SORBS2: variants seen among roughly 807,000 people sequenced by gnomAD.
The protein encoded by SORBS2 is sorbin and SH3 domain containing 2.
A neutral mutation model predicts 97.7 loss-of-function variants in SORBS2; 46 were observed. The ratio of observed to expected loss-of-function variants is 0.47; its 90% CI spans 0.37 to 0.60. The LOEUF is 0.60. SORBS2 is among the 20% of genes least tolerant of loss of function. SORBS2 has a pLI of 0.00. For synonymous variants in SORBS2, 476 were observed against 473.4 expected (o/e 1.01, Z -0.07); for missense variants, 1,316 against 1,282.3 (o/e 1.03, Z -0.40).
chr4:185,762,383 G>C (rs1248468288), intron 2 of SORBS2, among the ~76,000 whole-genome samples: 1 of 152,110 alleles, frequency 6.6e-6, no homozygotes, highest in East Asian at 1.9e-4. Context: ...CAAGAGATCA[G>C]GGATAGAGAT....
chr4:185,846,721 C>T (rs111399434), intron 1 of SORBS2, among the ~76,000 whole-genome samples: 3 of 152,130 alleles, frequency 2.0e-5, no homozygotes, highest in African/African-American at 7.2e-5. Context: ...GAATAGGAAG[C>T]GGGTGCTTCT....
At chr4:185,928,203 C>T (rs1180502412) in intron 1 of SORBS2, among the ~76,000 whole-genome samples, 2 of 152,006 alleles carry the variant, frequency 1.3e-5, no homozygotes. Context: ...CCAAGGAGTT[C>T]AATACCAGCC....
In SORBS2 at chr4:185,622,871, G is replaced by A. The variant is rs1056031046; in HGVS notation, c.2215+43C>T. On this transcript the variant is annotated intron_variant, in intron 7 of 14. Transcript: ENST00000418609. The stretch of plus-strand genomic sequence containing the variant: ...ATGGAAAATGAAAGAGCTGGAGGGT[G>A]GGTCTCTGAACCACAAGGAAAAAGA... 3.3e-6 allele frequency: 5 copies of A among 1,522,492 alleles called. No homozygotes were observed. In the African/African-American group the frequency reaches 5.6e-5, roughly 17 times the overall value. 94.3% of individuals were successfully genotyped at this position (1,522,492 alleles called of 1,614,324 possible). A position where few individuals can be genotyped will look rare whatever the true frequency, so the allele number is the denominator to read the frequency against.
At chr4:185,926,430 T>C (rs1244887062) in intron 1 of SORBS2, among the ~76,000 whole-genome samples, 1 of 151,732 alleles carries the variant, frequency 6.6e-6, no homozygotes, top group African/African-American at 2.4e-5. Flanking sequence ...TTGGACAATT[T>C]TTGGTATCTG....
intron 3 of SORBS2, 58 bp from the exon 13 acceptor site, chr4:185,646,840 G>A (rs1241921167): frequency 3.1e-6 from 3 of 973,604 alleles, no homozygotes; most frequent in Non-Finnish European, 5.0e-6. Context: ...AAGCAATTGT[G>A]TAAAACCAGT....
At chr4:185,898,184 G>T (rs2099245961) in intron 1 of SORBS2, among the ~76,000 whole-genome samples, 1 of 152,100 alleles carries the variant, frequency 6.6e-6, no homozygotes, top group Non-Finnish European at 1.5e-5. Context: ...TCCCATTACT[G>T]CCTGAAGGCA....
chr4:185,779,026 T>C (rs1019455204), intron 1 of SORBS2, among the ~76,000 whole-genome samples: 1 of 152,206 alleles, frequency 6.6e-6, no homozygotes, highest in African/African-American at 2.4e-5. Context: ...GTTGTGTGTT[T>C]CACAGAGCTT....
In SORBS2 at chr4:185,846,093, A is replaced by T. The variant is rs145662543; in HGVS notation, c.-337-70727T>A. Among the ~76,000 whole-genome samples the T allele has an allele frequency of 1.4e-3, 220 of 152,376 alleles. 3 individuals are homozygous for T. Among genetic ancestry groups the T allele is most frequent in the African/African-American group, 5.0e-3 (208 of 41,594 alleles). Reference sequence around the variant, plus strand: ...AAACATATGTTCATACAAAAACCTGAAAGTGAATATTTATAGAGGCTATAT... The same window carrying T: ...AAACATATGTTCATACAAAAACCTGTAAGTGAATATTTATAGAGGCTATAT... On this transcript the variant is annotated intron_variant, in intron 1 of 20. Transcript: ENST00000284776.
At chr4:185,886,747 C>A (rs1209309310) in intron 1 of SORBS2, among the ~76,000 whole-genome samples, 1 of 151,924 alleles carries the variant, frequency 6.6e-6, no homozygotes, top group African/African-American at 2.4e-5. Flanking sequence ...ATGAGAGAAC[C>A]GGGACTTGGG....
intron 1 of SORBS2, among the ~76,000 whole-genome samples, chr4:185,872,694 G>A (rs1053741409): frequency 1.3e-5 from 2 of 152,192 alleles, no homozygotes; most frequent in African/African-American, 4.8e-5. Flanking sequence ...ATTTCAGGAA[G>A]AGAAAAAGAG....
chr4:185,638,957 C>T (rs1195294763), intron 4 of SORBS2: 3 of 1,522,840 alleles, frequency 2.0e-6, no homozygotes, highest in Admixed American at 4.4e-5. Flanking sequence ...CTACCAGTGA[C>T]TTCTCCGAGT....
intron 1 of SORBS2, among the ~76,000 whole-genome samples, chr4:185,789,756 A>C (rs2099072234): frequency 6.6e-6 from 1 of 152,142 alleles, no homozygotes; most frequent in African/African-American, 2.4e-5. Flanking sequence ...TTTTAATGCA[A>C]TATTTCATTA....
intron 2 of SORBS2, among the ~76,000 whole-genome samples, chr4:185,693,496 G>A (rs962174337): frequency 9.9e-5 from 15 of 152,154 alleles, no homozygotes; most frequent in Non-Finnish European, 2.9e-5. Flanking sequence ...AAAAGCCTCA[G>A]GGGATGTCTG....
rs77026468 is a variant in SORBS2, at chr4:185,702,589, G to A, written c.-197-23767C>T. Among the ~76,000 whole-genome samples the A allele has an allele frequency of 1.6e-3, 243 of 152,210 alleles. 5 individuals are homozygous for A. In the East Asian group the frequency reaches 0.033, roughly 21 times the overall value. Reference sequence around the variant, plus strand: ...CATAGCACACATCAATAGCGAGGAAGTGGCAGAGTCAGAGTTCAACAACCT... The same window carrying A: ...CATAGCACACATCAATAGCGAGGAAATGGCAGAGTCAGAGTTCAACAACCT... On this transcript the variant is annotated intron_variant, in intron 2 of 20. Transcript: ENST00000284776.
chr4:185,613,777 T>C (rs563670019), intron 11 of SORBS2, among the ~76,000 whole-genome samples: 3 of 152,136 alleles, frequency 2.0e-5, no homozygotes, highest in Admixed American at 1.3e-4. Context: ...AGCCTTTCTG[T>C]AGAACATGGA....
intron 2 of SORBS2, among the ~76,000 whole-genome samples, chr4:185,722,953 T>TCCCCCCC (rs1441214077): frequency 6.6e-6 from 1 of 152,082 alleles, no homozygotes; most frequent in African/African-American, 2.4e-5. Flanking sequence ...AATTAATAAA[T>TCCCCCCC]CCCACAGCCG....
chr4:185,886,554 C>CAAAAAAAA (rs1198439527), intron 1 of SORBS2, among the ~76,000 whole-genome samples: 36 of 72,724 alleles, frequency 5.0e-4, no homozygotes, highest in Non-Finnish European at 5.7e-4. Context: ...GACTCTGTCT[C>CAAAAAAAA]AAAAAAAAAA....
chr4:185,676,791 G>C (rs1019722400), intron 4 of SORBS2, among the ~76,000 whole-genome samples: 5 of 152,212 alleles, frequency 3.3e-5, no homozygotes, highest in African/African-American at 1.2e-4. Context: ...TGAAAGATCT[G>C]TATATGCATA....
At chr4:185,711,540 T>A (rs2098420612) in intron 2 of SORBS2, among the ~76,000 whole-genome samples, 2 of 152,332 alleles carry the variant, frequency 1.3e-5, no homozygotes, top group Middle Eastern at 6.8e-3. Flanking sequence ...AAAACTGCAG[T>A]GTAAGTGAAG....
Sources: gnomAD v4.1 joint callset for allele counts (sites outside exome capture counted in the v4.1 genomes callset) on GRCh38, gnomAD v4.1.1 for gene constraint, MANE v1.5 for transcripts, NCBI Gene and HGNC (gene_info 2026-07-23, HGNC 2026-07-21) for gene names.